The following BAZ1A variants were observed in gnomAD, a reference collection of about 807,000 sequenced individuals.
BAZ1A encodes the protein bromodomain adjacent to zinc finger domain protein 1A.
In BAZ1A, 50 loss-of-function variants were observed where a neutral mutation model predicts 185.2. That is an observed-to-expected ratio of 0.27 (90% confidence interval 0.22 to 0.34). The LOEUF (loss-of-function observed/expected upper bound fraction) is 0.34. Among genes scored for constraint, BAZ1A ranks in the 10% least tolerant of loss-of-function variants. The pLI, the probability that BAZ1A is intolerant of heterozygous loss-of-function variation, is 1.00. For missense variants in BAZ1A, 1,356 were observed against 1,839.9 expected (o/e 0.74, Z 4.81); for synonymous variants, 571 against 615.6 (o/e 0.93, Z 1.07).
intron 3 of BAZ1A, among the ~76,000 whole-genome samples, chr14:34,853,239 A>G (rs547374368): frequency 8.6e-4 from 131 of 152,334 alleles, no homozygotes; most frequent in African/African-American, 3.1e-3. Flanking sequence ...AGCAGAGAAC[A>G]AATGTCAGTG....
chr14:34,844,184 C>A (rs1188966503), intron 3 of BAZ1A, among the ~76,000 whole-genome samples: 7 of 130,566 alleles, frequency 5.4e-5, no homozygotes, highest in African/African-American at 1.5e-4. Flanking sequence ...CCAGCCTGGG[C>A]GACAGAGCGA....
chr14:34,856,751 G>A lies in BAZ1A; in HGVS notation c.392+5293C>T, dbSNP rs76578388. Among the ~76,000 whole-genome samples, 65 of 151,172 alleles carry A rather than the reference G, an allele frequency of 4.3e-4. No homozygotes were observed. In the East Asian group the frequency reaches 0.011, roughly 25 times the overall value. ...CGGGCGCCTGTAATCCCAGCTACTCGGGAGGGTGAGGCAGGAGAATCGCCT... is the reference window on the plus strand; with the variant it reads ...CGGGCGCCTGTAATCCCAGCTACTCAGGAGGGTGAGGCAGGAGAATCGCCT... On this transcript the variant is annotated intron_variant, in intron 3 of 26. Transcript: ENST00000360310.
intron 3 of BAZ1A, among the ~76,000 whole-genome samples, chr14:34,833,320 A>G (rs2042279776): frequency 6.6e-6 from 1 of 152,166 alleles, no homozygotes; most frequent in Non-Finnish European, 1.5e-5. Flanking sequence ...CGAGGTCAGG[A>G]GTTTGAGACC....
intron 3 of BAZ1A, among the ~76,000 whole-genome samples, chr14:34,843,262 T>C (rs1482747234): frequency 1.3e-5 from 2 of 152,198 alleles, no homozygotes; most frequent in Non-Finnish European, 2.9e-5. Flanking sequence ...AATCACACCT[T>C]TCTGATCCCT....
intron 3 of BAZ1A, among the ~76,000 whole-genome samples, chr14:34,858,834 TGGAG>T (rs1483324082): frequency 3.9e-5 from 6 of 152,144 alleles, no homozygotes; most frequent in African/African-American, 1.4e-4. Context: ...GAAAGTGATA[TGGAG>T]GAAGACATGA....
intron 4 of BAZ1A, among the ~76,000 whole-genome samples, chr14:34,823,570 G>A (rs1280194600): frequency 6.6e-6 from 1 of 152,026 alleles, no homozygotes; most frequent in African/African-American, 2.4e-5. Context: ...TGAGGCAGGA[G>A]AATCACTTGA....
At chr14:34,820,772 A>C (rs962123671) in intron 4 of BAZ1A, among the ~76,000 whole-genome samples, 1 of 149,276 alleles carries the variant, frequency 6.7e-6, no homozygotes, top group Non-Finnish European at 1.5e-5. Context: ...TTTTTTTTTT[A>C]CATGTAGATA....
chr14:34,854,590 T>A (rs2042645806), intron 3 of BAZ1A, among the ~76,000 whole-genome samples: 1 of 152,100 alleles, frequency 6.6e-6, no homozygotes, highest in Non-Finnish European at 1.5e-5. Flanking sequence ...GCTACCATAT[T>A]CTATAGCAAT....
In BAZ1A at chr14:34,800,379, C is replaced by T. The variant is rs1881447735; in HGVS notation, c.973G>A (p.Ala325Thr). The T allele has an allele frequency of 6.5e-7, 1 of 1,540,546 alleles. No homozygotes were observed. The highest frequency in any genetic ancestry group is 8.7e-7 in the Non-Finnish European group (1 of 1,152,438). The change falls in exon 9 of 27, where the codon GCT becomes ACT. Residue 325 changes from alanine to threonine, a missense_variant. Around this residue, in one of 7 missense-constraint regions of BAZ1A, gnomAD observed 332 missense variants for 395.3 expected, o/e 0.84. Coordinates refer to ENST00000360310, the MANE Select transcript of BAZ1A (RefSeq NM_013448.3). ...EEMKSLAFEKAKLKREKADAL... is the reference protein window; with the variant it reads ...EEMKSLAFEKTKLKREKADAL... ...TCTGCTTTTTCTCTTTTTAATTTAG[C>T]CTTTTCAAAAGCTGTGAAGAAAAAT...
intron 3 of BAZ1A, among the ~76,000 whole-genome samples, chr14:34,832,215 C>CACATATATATATATATATAT: frequency 3.1e-4 from 28 of 89,700 alleles, no homozygotes; most frequent in Middle Eastern, 5.7e-3. Context: ...CACACACACA[C>CACATATATATATATATATAT]ATATATATAT....
chr14:34,776,536 T>C, intron 17 of BAZ1A, 21 bp from the exon 18 acceptor site: 1 of 1,530,034 alleles, frequency 6.5e-7, no homozygotes, highest in Non-Finnish European at 8.8e-7. Flanking sequence ...AATAAAATGT[T>C]TCATCATCAT....
chr14:34,815,517 C>G (rs1015310784), intron 4 of BAZ1A, among the ~76,000 whole-genome samples: 1 of 152,156 alleles, frequency 6.6e-6, no homozygotes, highest in Admixed American at 6.5e-5. Context: ...GTGTTTAGTT[C>G]TACAACAAGC....
intron 9 of BAZ1A, among the ~76,000 whole-genome samples, chr14:34,798,089 C>G (rs147787517): frequency 0.019 from 2,867 of 152,360 alleles, 37 homozygotes; most frequent in South Asian, 0.039. Flanking sequence ...AGTCTGAGAT[C>G]GACCTGCGAG....
Position 34,765,310 on chromosome 14 carries a change from C to T in BAZ1A, c.3302-42G>A, listed in dbSNP as rs751135556. The T allele has an allele frequency of 2.5e-5, 40 of 1,594,890 alleles. No individual in the cohort carries two copies. In the South Asian group the frequency reaches 2.9e-4, roughly 12 times the overall value. ...AAGTGATTACAATTTTTTAGGCAAA[C>T]CTAGTAATCTTCCTAGAAATAGTTT... is the stretch of plus-strand genomic sequence containing the variant. On this transcript the variant is annotated intron_variant, in intron 21 of 26. Transcript: ENST00000360310.
At chr14:34,828,489 A>G (rs2138721787) in intron 3 of BAZ1A, 1 of 150,574 alleles carries the variant, frequency 6.6e-6, no homozygotes. Context: ...GTTGGTTCTC[A>G]AAACAGATTT....
chr14:34,819,314 C>T (rs975790970), intron 4 of BAZ1A, among the ~76,000 whole-genome samples: 3 of 152,030 alleles, frequency 2.0e-5, no homozygotes, highest in African/African-American at 7.2e-5. Context: ...CTGTATTGTA[C>T]ACAATAGTCT....
At chr14:34,853,615 T>C (rs2042630469) in intron 3 of BAZ1A, among the ~76,000 whole-genome samples, 1 of 152,154 alleles carries the variant, frequency 6.6e-6, no homozygotes, top group Non-Finnish European at 1.5e-5. Flanking sequence ...TGAAACTCTG[T>C]CTTTACTAAA....
rs61285890 is a variant in BAZ1A at position 34,796,165 on chromosome 14, T to TACACACACACACACACACAC, written c.1129-420_1129-401dup. On this transcript the variant is annotated intron_variant, in intron 9 of 26. Transcript: ENST00000360310. ...AAATACAAACACATATACATATACA[T>TACACACACACACACACACAC]ACACACACACACACACACACACACA... 1.0e-3 allele frequency among the ~76,000 whole-genome samples: 148 copies of TACACACACACACACACACAC among 146,598 alleles called. 2 individuals are homozygous for TACACACACACACACACACAC. The highest frequency in any genetic ancestry group is 5.9e-3 in the South Asian group (27 of 4,588).
chr14:34,797,384 A>AC (rs11383154), intron 9 of BAZ1A, among the ~76,000 whole-genome samples: 151,705 of 151,930 alleles, frequency 1, 75,740 homozygotes, highest in Middle Eastern at 1. Context: ...ACATGGTGAA[A>AC]CCCATCTCTA....
Sources: gnomAD v4.1 joint callset for allele counts (sites outside exome capture counted in the v4.1 genomes callset) on GRCh38, gnomAD v4.1.1 for gene constraint, gnomAD v4.1.1 regional missense constraint, MANE v1.5 for transcripts, NCBI Gene and HGNC (gene_info 2026-07-23, HGNC 2026-07-21) for gene names.